The following RTN1 variants were observed in gnomAD, a reference collection of about 807,000 sequenced individuals.
RTN1 encodes reticulon-1.
In RTN1, 25 loss-of-function variants were observed where a neutral mutation model predicts 65.5. That is an observed-to-expected ratio of 0.38 (90% confidence interval 0.28 to 0.53). The LOEUF is 0.53. RTN1 is among the 20% of genes least tolerant of loss of function. RTN1 has a pLI of 0.79. For synonymous variants in RTN1, 471 were observed against 447.6 expected (o/e 1.05, Z -0.66); for missense variants, 983 against 1,025.4 (o/e 0.96, Z 0.57).
intron 3 of RTN1, among the ~76,000 whole-genome samples, chr14:59,675,802 T>C (rs1883615300): frequency 6.6e-6 from 1 of 152,242 alleles, no homozygotes; most frequent in Non-Finnish European, 1.5e-5. Context: ...TTGAATTTTA[T>C]ATTTAAGATA....
chr14:59,644,731 G>A (rs192243490), intron 3 of RTN1, among the ~76,000 whole-genome samples: 72 of 152,340 alleles, frequency 4.7e-4, no homozygotes, highest in Non-Finnish European at 9.6e-4. Context: ...CTGAGATGGA[G>A]CTCCCAGAGG....
At chr14:59,634,239 A>C (rs1882616065) in intron 3 of RTN1, among the ~76,000 whole-genome samples, 1 of 152,202 alleles carries the variant, frequency 6.6e-6, no homozygotes, top group Admixed American at 6.5e-5. Context: ...TCACAGATGC[A>C]CTGCGTTTTC....
chr14:59,668,419 T>C (rs903184291), intron 3 of RTN1, among the ~76,000 whole-genome samples: 15 of 152,102 alleles, frequency 9.9e-5, no homozygotes, highest in African/African-American at 3.4e-4. Flanking sequence ...GCTGAAACTG[T>C]ATCCCTTCCT....
intron 3 of RTN1, among the ~76,000 whole-genome samples, chr14:59,683,766 T>C (rs1883789867): frequency 6.6e-6 from 1 of 152,248 alleles, no homozygotes; most frequent in South Asian, 2.1e-4. Flanking sequence ...TTCAGGTAGT[T>C]GACCTTATTA....
At chr14:59,719,723 C>G (rs1332344592) in intron 3 of RTN1, among the ~76,000 whole-genome samples, 2 of 152,162 alleles carry the variant, frequency 1.3e-5, no homozygotes, top group Non-Finnish European at 2.9e-5. Flanking sequence ...GGATCCCACC[C>G]AGACTTCAGA....
intron 1 of RTN1, among the ~76,000 whole-genome samples, chr14:59,835,155 G>C (rs769966262): frequency 2.6e-5 from 4 of 151,988 alleles, no homozygotes; most frequent in Non-Finnish European, 5.9e-5. Context: ...ATACAATGCA[G>C]TACCCCTCAG....
intron 1 of RTN1, among the ~76,000 whole-genome samples, chr14:59,779,744 C>T (rs1381979011): frequency 6.6e-6 from 1 of 152,112 alleles, no homozygotes; most frequent in Non-Finnish European, 1.5e-5. Context: ...AGAGAACTTA[C>T]TGCTTCCCTG....
At chr14:59,682,038 C>A (rs1883755335) in intron 3 of RTN1, among the ~76,000 whole-genome samples, 1 of 152,162 alleles carries the variant, frequency 6.6e-6, no homozygotes, top group South Asian at 2.1e-4. Flanking sequence ...TGGTGCTACC[C>A]TTTAAGAAGC....
At chr14:59,645,424 T>C (rs1882872442) in intron 3 of RTN1, among the ~76,000 whole-genome samples, 1 of 152,104 alleles carries the variant, frequency 6.6e-6, no homozygotes, top group Non-Finnish European at 1.5e-5. Context: ...TGTTACATGT[T>C]TTCTACATGT....
chr14:59,641,735 A>G (rs988122113), intron 3 of RTN1, among the ~76,000 whole-genome samples: 1 of 152,226 alleles, frequency 6.6e-6, no homozygotes, highest in African/African-American at 2.4e-5. Context: ...TGTTGAAGCC[A>G]ATCTTAAATT....
At chr14:59,831,805 A>C (rs1887129317) in intron 1 of RTN1, among the ~76,000 whole-genome samples, 1 of 151,880 alleles carries the variant, frequency 6.6e-6, no homozygotes, top group African/African-American at 2.4e-5. Flanking sequence ...TCTGGAGAAC[A>C]CTCACGAACT....
rs1054708213 is a variant in RTN1 at position 59,836,547 on chromosome 14, T to A, written c.241+33843A>T. Reference sequence around the variant, plus strand: ...TAAAATTTGTTGCTATTAGAAAAAATTGATGAAACCAGGAGGGAGGACATC... The same window carrying A: ...TAAAATTTGTTGCTATTAGAAAAAAATGATGAAACCAGGAGGGAGGACATC... On this transcript the variant is annotated intron_variant, in intron 1 of 8. Transcript: ENST00000267484. The surrounding 1 kb of genome is among the most constrained non-coding windows in gnomAD (Gnocchi z 4.9). 2.0e-5 allele frequency among the ~76,000 whole-genome samples: 3 copies of A among 152,156 alleles called. No individual in the cohort carries two copies. Among genetic ancestry groups the A allele is most frequent in the Non-Finnish European group, 2.9e-5 (2 of 68,032 alleles).
intron 1 of RTN1, among the ~76,000 whole-genome samples, chr14:59,808,970 A>G (rs1160975657): frequency 1.3e-5 from 2 of 152,014 alleles, no homozygotes; most frequent in Admixed American, 6.6e-5. Context: ...AGCGAATTAA[A>G]CCTCTTTTAT....
intron 1 of RTN1, among the ~76,000 whole-genome samples, chr14:59,758,440 A>C (rs1885683121): frequency 6.6e-6 from 1 of 152,188 alleles, no homozygotes; most frequent in South Asian, 2.1e-4. Flanking sequence ...GAGACTGCAC[A>C]AAAAACACAC....
chr14:59,710,754 G>A (rs747641106), intron 3 of RTN1, among the ~76,000 whole-genome samples: 1 of 152,218 alleles, frequency 6.6e-6, no homozygotes, highest in Non-Finnish European at 1.5e-5. Flanking sequence ...GCCCATCTGA[G>A]TGGCCTCACA....
At chr14:59,603,815 G>T (rs779206203) in intron 6 of RTN1, 37 bp downstream of exon 6, 6 of 1,543,976 alleles carry the variant, frequency 3.9e-6, no homozygotes, top group Non-Finnish European at 5.4e-6. Flanking sequence ...TCACAGAGGG[G>T]GTGAAGGAAG....
At chr14:59,834,994 T>G (rs1044572910) in intron 1 of RTN1, among the ~76,000 whole-genome samples, 4 of 152,182 alleles carry the variant, frequency 2.6e-5, no homozygotes, top group Admixed American at 2.6e-4. Context: ...GCCATTCTAC[T>G]CCCAAGTATT....
chr14:59,714,232 TAAA>T (rs66785056), intron 3 of RTN1, among the ~76,000 whole-genome samples: 8 of 127,952 alleles, frequency 6.3e-5, no homozygotes, highest in Non-Finnish European at 1.2e-4. Flanking sequence ...AGACTCCGTC[TAAA>T]AAAAAAAAAA....
chr14:59,744,342 G>C (rs116703860), intron 2 of RTN1, among the ~76,000 whole-genome samples: 1,584 of 152,248 alleles, frequency 0.01, 26 homozygotes, highest in African/African-American at 0.035. Context: ...TCTTCATCTC[G>C]ATGCCTCATG....
Sources: gnomAD v4.1 joint callset for allele counts (sites outside exome capture counted in the v4.1 genomes callset) on GRCh38, gnomAD v4.1.1 for gene constraint, Gnocchi (gnomAD v3.1) non-coding constraint, MANE v1.5 for transcripts, NCBI Gene and HGNC (gene_info 2026-07-23, HGNC 2026-07-21) for gene names.